Variants in CYSLTR2 observed in about 807,000 individuals in gnomAD.
The protein encoded by CYSLTR2 is cysteinyl leukotriene receptor 2.
For synonymous variants in CYSLTR2, 179 were observed against 160.8 expected (o/e 1.11, Z -0.86); for missense variants, 398 against 411.9 (o/e 0.97, Z 0.29).
In CYSLTR2 at chr13:48,673,372, C is replaced by A. The variant is rs184923830; in HGVS notation, c.-265-17840C>A. ...TATCATTATGTGATTCCCTTCTTTGCCTTTTTTGATCTTTGTTGGTTTAAA... is the reference window on the plus strand; with the variant it reads ...TATCATTATGTGATTCCCTTCTTTGACTTTTTTGATCTTTGTTGGTTTAAA... On this transcript the variant is annotated intron_variant, in intron 1 of 4. Coordinates refer to ENST00000682523, the MANE Select transcript of CYSLTR2 (RefSeq NM_001308476.3). Among the ~76,000 whole-genome samples, 3 of 150,174 alleles carry A rather than the reference C, an allele frequency of 2.0e-5. No individual in the cohort carries two copies. In the East Asian group the frequency reaches 5.8e-4, roughly 29 times the overall value.
At chr13:48,662,995 G>T (rs1953167497) in intron 1 of CYSLTR2, among the ~76,000 whole-genome samples, 1 of 152,004 alleles carries the variant, frequency 6.6e-6, no homozygotes, top group Non-Finnish European at 1.5e-5. Context: ...TTATATTTAA[G>T]TCTTTGATCC....
chr13:48,664,646 C>A (rs1953215069), intron 1 of CYSLTR2, among the ~76,000 whole-genome samples: 1 of 151,740 alleles, frequency 6.6e-6, no homozygotes, highest in African/African-American at 2.4e-5. Context: ...CTCTAATGAT[C>A]CTTTGTATTT....
chr13:48,679,585 A>G (rs1178692404), intron 1 of CYSLTR2, among the ~76,000 whole-genome samples: 4 of 152,204 alleles, frequency 2.6e-5, no homozygotes, highest in Non-Finnish European at 5.9e-5. Flanking sequence ...TGATCAAATC[A>G]GAGTACCTAG....
intron 1 of CYSLTR2, among the ~76,000 whole-genome samples, chr13:48,656,620 A>G (rs998179516): frequency 1.3e-5 from 2 of 152,160 alleles, no homozygotes; most frequent in African/African-American, 4.8e-5. Context: ...AGGAAAGATG[A>G]TATATTTTTT....
At chr13:48,705,883 A>G (rs923387758) in intron 4 of CYSLTR2, among the ~76,000 whole-genome samples, 1 of 151,298 alleles carries the variant, frequency 6.6e-6, no homozygotes, top group African/African-American at 2.4e-5. Context: ...TTGGCTTACC[A>G]TGTTCTTTCT....
intron 1 of CYSLTR2, among the ~76,000 whole-genome samples, chr13:48,657,455 G>A (rs1370344489): frequency 6.6e-6 from 1 of 151,572 alleles, no homozygotes; most frequent in South Asian, 2.1e-4. Flanking sequence ...AGTACAGGAA[G>A]CAGACTATAG....
chr13:48,657,106 A>G (rs1168945268), intron 1 of CYSLTR2, among the ~76,000 whole-genome samples: 1 of 152,238 alleles, frequency 6.6e-6, no homozygotes, highest in Non-Finnish European at 1.5e-5. Flanking sequence ...TAAATAAATC[A>G]ATTCACCCAA....
chr13:48,687,826 C>T (rs987669832), intron 1 of CYSLTR2, among the ~76,000 whole-genome samples: 3 of 152,154 alleles, frequency 2.0e-5, no homozygotes, highest in Non-Finnish European at 2.9e-5. Context: ...GGCAGGTGGC[C>T]GTAAGCCTTA....
chr13:48,679,971 A>G (rs1339520648), intron 1 of CYSLTR2, among the ~76,000 whole-genome samples: 2 of 152,168 alleles, frequency 1.3e-5, no homozygotes, highest in African/African-American at 4.8e-5. Flanking sequence ...AGGCTTCCGC[A>G]TGGCAGGTCT....
At chr13:48,662,544 T>G (rs1020928677) in intron 1 of CYSLTR2, among the ~76,000 whole-genome samples, 1 of 152,170 alleles carries the variant, frequency 6.6e-6, no homozygotes, top group African/African-American at 2.4e-5. Context: ...ATAATAGCCA[T>G]CCTAACTGGG....
Position 48,695,257 on chromosome 13 carries a change from TTTTTTTTCCTTTTC to T in CYSLTR2, c.-102-1257_-102-1244del, listed in dbSNP as rs1209868667. 4.0e-3 allele frequency among the ~76,000 whole-genome samples: 602 copies of T among 151,280 alleles called. 24 individuals are homozygous for T. Among genetic ancestry groups the T allele is most frequent in the Admixed American group, 0.035 (529 of 15,116 alleles). On this transcript the variant is annotated intron_variant, in intron 3 of 4. Coordinates refer to ENST00000682523, the MANE Select transcript of CYSLTR2 (RefSeq NM_001308476.3). ...GCCCAGCTAATCTTTTTCATTTTCT[TTTTTTTTCCTTTTC>T]TTTTTTTCCTTCTTTCCTTCTTCTC...
At chr13:48,701,376 A>G (rs879017248) in intron 4 of CYSLTR2, among the ~76,000 whole-genome samples, 3 of 152,348 alleles carry the variant, frequency 2.0e-5, no homozygotes, top group African/African-American at 7.2e-5. Context: ...AAAACAAGCA[A>G]TGGGGAAAGG....
At chr13:48,689,481 G>A (rs907401882) in intron 1 of CYSLTR2, among the ~76,000 whole-genome samples, 1 of 152,176 alleles carries the variant, frequency 6.6e-6, no homozygotes, top group African/African-American at 2.4e-5. Context: ...TGGCTAGCCA[G>A]TTTTTCCAAC....
chr13:48,707,269 G>GGAGTGCATGT lies in CYSLTR2; in HGVS notation c.452_453insGAGTGCATGT (p.Ser151ArgfsTer32), dbSNP rs1224442993. On this transcript the variant is annotated frameshift_variant, in exon 5 of 5. Transcript: ENST00000682523. LOFTEE classifies it low-confidence loss of function (END_TRUNC). ...CCCTTTCGGCTTCTGCATGTCACCA[G>GGAGTGCATGT]CATCAGGAGTGCCTGGATCCTCTGT... 5.0e-6 allele frequency: 8 copies of GGAGTGCATGT among 1,613,980 alleles called. No individual in the cohort carries two copies. Among genetic ancestry groups the GGAGTGCATGT allele is most frequent in the Non-Finnish European group, 6.8e-6 (8 of 1,180,042 alleles).
At chr13:48,706,176 A>C (rs1237667434) in intron 4 of CYSLTR2, among the ~76,000 whole-genome samples, 1 of 151,618 alleles carries the variant, frequency 6.6e-6, no homozygotes, top group African/African-American at 2.4e-5. Context: ...TTGTATTTTT[A>C]GTAGAGACGG....
chr13:48,664,173 C>T (rs146204270), intron 1 of CYSLTR2, among the ~76,000 whole-genome samples: 3 of 151,900 alleles, frequency 2.0e-5, no homozygotes, highest in Non-Finnish European at 2.9e-5. Flanking sequence ...GAGATAAATC[C>T]CACTTGATCA....
chr13:48,706,939 TC>T lies in CYSLTR2; in HGVS notation c.125del (p.Pro42GlnfsTer5). Reference sequence around the variant, plus strand: ...ATTGAAAACTTCAAGAGAGAATTTTTCCCAATTGTATATCTGATAATATTTT... The same window carrying T: ...ATTGAAAACTTCAAGAGAGAATTTTTCCAATTGTATATCTGATAATATTTT... The part of the protein sequence containing the change: ...CTIENFKREF[F>X]PIVYLIIFFW... On this transcript the variant is annotated frameshift_variant, in exon 5 of 5. Coordinates refer to ENST00000682523, the MANE Select transcript of CYSLTR2 (RefSeq NM_001308476.3). LOFTEE classifies it low-confidence loss of function (END_TRUNC). 6.2e-7 allele frequency: 1 copy of T among 1,614,206 alleles called. No homozygotes were observed. Among genetic ancestry groups the T allele is most frequent in the African/African-American group, 1.3e-5 (1 of 75,056 alleles).
At chr13:48,694,602 G>A (rs1158393989) in intron 3 of CYSLTR2, 1 of 152,190 alleles carries the variant, frequency 6.6e-6, no homozygotes, top group African/African-American at 2.4e-5. Context: ...ACTGAGTCAA[G>A]GGTACTTGCT....
chr13:48,686,268 A>G (rs1953891837), intron 1 of CYSLTR2, among the ~76,000 whole-genome samples: 1 of 152,158 alleles, frequency 6.6e-6, no homozygotes, highest in Non-Finnish European at 1.5e-5. Context: ...TTTATTCTTT[A>G]GATCATTATA....
Sources: gnomAD v4.1 joint callset for allele counts (sites outside exome capture counted in the v4.1 genomes callset) on GRCh38, gnomAD v4.1.1 for gene constraint, MANE v1.5 for transcripts, NCBI Gene and HGNC (gene_info 2026-07-23, HGNC 2026-07-21) for gene names.